Variants in SDK1 observed in about 807,000 individuals in gnomAD.
SDK1 encodes protein sidekick-1.
Under a neutral mutation model 245.5 loss-of-function variants are expected in SDK1, and 157 were observed. The observed-to-expected ratio is 0.64, with a 90% CI of 0.56 to 0.73. The LOEUF is 0.73. Among genes scored for constraint, SDK1 ranks in the 30% least tolerant of loss-of-function variants. The pLI is 0.00. For synonymous variants in SDK1, 1,647 were observed against 1,278.5 expected, an observed-to-expected ratio of 1.29 and a Z score of -6.15; for missense variants, 3,583 against 3,002.3, an observed-to-expected ratio of 1.19 and a Z score of -4.52.
intron 1 of SDK1, among the ~76,000 whole-genome samples, chr7:3,503,677 C>A (rs187071223): frequency 6.6e-6 from 1 of 150,556 alleles, no homozygotes; most frequent in Admixed American, 6.6e-5. Flanking sequence ...ACCTTCATAT[C>A]TTAAAAAAAC....
chr7:4,249,567 G>A (rs182956064), intron 44 of SDK1, among the ~76,000 whole-genome samples: 42 of 152,280 alleles, frequency 2.8e-4, no homozygotes, highest in South Asian at 1.0e-3. Context: ...AAGGCACCCC[G>A]GAAGTCTCTT....
chr7:3,797,550 A>G (rs745902250), intron 4 of SDK1, among the ~76,000 whole-genome samples: 10 of 151,678 alleles, frequency 6.6e-5, no homozygotes, highest in Admixed American at 1.3e-4. Flanking sequence ...GCTTTACTCT[A>G]TGTTTTCATA....
intron 1 of SDK1, among the ~76,000 whole-genome samples, chr7:3,349,208 A>C (rs572958664): frequency 1.3e-5 from 2 of 152,156 alleles, no homozygotes; most frequent in African/African-American, 4.8e-5. Context: ...CAACAAAAAA[A>C]ACACAACAAA....
chr7:3,853,098 G>A (rs1252989547), intron 5 of SDK1, among the ~76,000 whole-genome samples: 2 of 151,958 alleles, frequency 1.3e-5, no homozygotes, highest in African/African-American at 2.4e-5. Flanking sequence ...CTCCACGTAC[G>A]CAGGCTTCAC....
chr7:3,500,420 G>A (rs1475478730), intron 1 of SDK1, among the ~76,000 whole-genome samples: 1 of 152,130 alleles, frequency 6.6e-6, no homozygotes, highest in African/African-American at 2.4e-5. Context: ...TTACTGGGTA[G>A]AGAATTCTTG....
At chr7:4,238,237 GC>G (rs796861649) in intron 42 of SDK1, among the ~76,000 whole-genome samples, 7 of 152,052 alleles carry the variant, frequency 4.6e-5, no homozygotes, top group African/African-American at 1.7e-4. Context: ...CTGCCACTAC[GC>G]CCGGCTAATT....
At chr7:4,245,591 T>C (rs1300332195) in intron 43 of SDK1, 85 bp from the exon 44 acceptor site, 2 of 1,518,242 alleles carry the variant, frequency 1.3e-6, no homozygotes, top group Non-Finnish European at 1.8e-6. Flanking sequence ...TCCAACGCAA[T>C]AAAGGCCAAA....
chr7:3,690,865 TAGA>T (rs1784420900), intron 4 of SDK1, among the ~76,000 whole-genome samples: 1 of 152,228 alleles, frequency 6.6e-6, no homozygotes, highest in Non-Finnish European at 1.5e-5. Flanking sequence ...ACTTTCATAA[TAGA>T]CAGTCTCAAA....
At chr7:3,366,998 C>G (rs1388305851) in intron 1 of SDK1, among the ~76,000 whole-genome samples, 1 of 152,088 alleles carries the variant, frequency 6.6e-6, no homozygotes, top group South Asian at 2.1e-4. Flanking sequence ...CCTCAGCCTC[C>G]CAAAGTGCTG....
At chr7:3,505,923 A>C (rs890340134) in intron 1 of SDK1, among the ~76,000 whole-genome samples, 5 of 152,206 alleles carry the variant, frequency 3.3e-5, no homozygotes, top group African/African-American at 9.6e-5. Context: ...CCCCTTGTGC[A>C]ATTACTGTTA....
intron 41 of SDK1, among the ~76,000 whole-genome samples, chr7:4,234,613 C>A (rs1316561788): frequency 3.3e-5 from 5 of 152,194 alleles, no homozygotes; most frequent in Non-Finnish European, 7.4e-5. Context: ...TGTGGCCCCC[C>A]AGCCCCCCAT....
chr7:4,261,389 C>T (rs901557345), intron 44 of SDK1, among the ~76,000 whole-genome samples: 1 of 152,152 alleles, frequency 6.6e-6, no homozygotes, highest in African/African-American at 2.4e-5. Context: ...CTCCCATCCC[C>T]TGCCCACCCC....
intron 25 of SDK1, among the ~76,000 whole-genome samples, chr7:4,119,491 C>G (rs1289532531): frequency 6.7e-6 from 1 of 148,348 alleles, no homozygotes; most frequent in East Asian, 1.9e-4. Flanking sequence ...AGATTGTACA[C>G]TTTGCGTATG....
At chr7:3,447,341 T>C (rs1780369901) in intron 1 of SDK1, among the ~76,000 whole-genome samples, 1 of 152,192 alleles carries the variant, frequency 6.6e-6, no homozygotes, top group Non-Finnish European at 1.5e-5. Flanking sequence ...TCTCAAATAA[T>C]GTGATATTAA....
chr7:4,021,695 T>G (rs1786909965), intron 17 of SDK1, among the ~76,000 whole-genome samples: 1 of 152,210 alleles, frequency 6.6e-6, no homozygotes, highest in Admixed American at 6.5e-5. Context: ...TGCCCACCTT[T>G]AAGGAACTTT....
intron 30 of SDK1, among the ~76,000 whole-genome samples, chr7:4,152,359 C>T (rs1356329464): frequency 6.6e-6 from 1 of 152,214 alleles, no homozygotes; most frequent in African/African-American, 2.4e-5. Context: ...CCCCGAGGGT[C>T]AGGGGAGTAT....
At chr7:3,770,829 C>G (rs1019760546) in intron 4 of SDK1, among the ~76,000 whole-genome samples, 1 of 152,108 alleles carries the variant, frequency 6.6e-6, no homozygotes, top group East Asian at 1.9e-4. Context: ...CCTGGACTGC[C>G]TTCTATGATA....
rs547281922 is a variant in SDK1, at chr7:4,233,817, C to A, written c.5992+398C>A. Among the ~76,000 whole-genome samples, 18 of 152,224 alleles carry A rather than the reference C, an allele frequency of 1.2e-4. No individual in the cohort carries two copies. The South Asian group carries it at 3.7e-3, about 32-fold the overall frequency. On this transcript the variant is annotated intron_variant, in intron 41 of 44. Coordinates refer to ENST00000404826, the MANE Select transcript of SDK1 (RefSeq NM_152744.4). Reference sequence around the variant, plus strand: ...TGCTTCCCTCTGGCAGGACCCCAGGCCCCAGAGCCTCCCCCAGCACCACCA... The same window carrying A: ...TGCTTCCCTCTGGCAGGACCCCAGGACCCAGAGCCTCCCCCAGCACCACCA...
intron 1 of SDK1, among the ~76,000 whole-genome samples, chr7:3,388,882 A>G (rs1781675837): frequency 6.6e-6 from 1 of 152,190 alleles, no homozygotes; most frequent in Non-Finnish European, 1.5e-5. Flanking sequence ...GCCTGCCCAA[A>G]TGGAGTTTAC....
Sources: allele counts gnomAD v4.1 joint callset (sites outside exome capture counted in the v4.1 genomes callset), GRCh38; gene constraint gnomAD v4.1.1; transcripts MANE v1.5; gene names NCBI Gene and HGNC (gene_info 2026-07-23, HGNC 2026-07-21).